The following TRPC7 variants were observed in gnomAD, a reference collection of about 807,000 sequenced individuals.
TRPC7 encodes the protein short transient receptor potential channel 7.
TRPC7 carries 42 observed loss-of-function variants against 90.1 expected under a neutral mutation model. That is an observed-to-expected ratio of 0.47 (90% CI 0.36 to 0.60). TRPC7 has a LOEUF of 0.60. TRPC7 is among the 20% of genes least tolerant of loss of function. The pLI, the probability that TRPC7 is intolerant of heterozygous loss-of-function variation, is 0.00. For synonymous variants in TRPC7, 451 were observed against 436.3 expected (o/e 1.03, Z -0.42); for missense variants, 955 against 1,112.3 (o/e 0.86, Z 2.01).
At chr5:136,236,772 T>G (rs1007247810) in intron 7 of TRPC7, among the ~76,000 whole-genome samples, 1 of 152,018 alleles carries the variant, frequency 6.6e-6, no homozygotes, top group Non-Finnish European at 1.5e-5. Context: ...AAGGAGAGGG[T>G]TCAGGGTGAC....
At chr5:136,358,020 A>G (rs1179594922) in intron 1 of TRPC7, among the ~76,000 whole-genome samples, 1 of 152,176 alleles carries the variant, frequency 6.6e-6, no homozygotes, top group Non-Finnish European at 1.5e-5. Context: ...AAACTGCAGC[A>G]ATATGCATGC....
At chr5:136,233,498 A>C (rs745745029) in intron 7 of TRPC7, among the ~76,000 whole-genome samples, 11 of 152,214 alleles carry the variant, frequency 7.2e-5, no homozygotes, top group Non-Finnish European at 1.3e-4. Flanking sequence ...GAGAGATTTC[A>C]AAACCACCAG....
Position 136,359,630 on chromosome 5 carries a change from A to G in TRPC7, c.3-2245T>C, listed in dbSNP as rs114488100. Among the ~76,000 whole-genome samples the G allele has an allele frequency of 1.8e-3, 279 of 152,292 alleles. 1 individual carries two copies. The highest frequency in any genetic ancestry group is 6.5e-3 in the African/African-American group (272 of 41,570). ...CCTTTACAGGAGAGAAAGATTCACA[A>G]ATAGTGTGCAGGCACTTATTATTAT... On this transcript the variant is annotated intron_variant, in intron 1 of 11. Coordinates refer to ENST00000513104, the MANE Select transcript of TRPC7 (RefSeq NM_020389.3).
rs149483611 is a variant in TRPC7, at chr5:136,338,536, T to C, written c.780+18072A>G. ...GTCCTATCGCTCAGGCGGGACATGT[T>C]TTGAAAGAAAGCCCAAGCCAGATAT... On this transcript the variant is annotated intron_variant, in intron 2 of 11. Coordinates refer to ENST00000513104, the MANE Select transcript of TRPC7 (RefSeq NM_020389.3). 6.8e-4 allele frequency among the ~76,000 whole-genome samples: 103 copies of C among 152,304 alleles called. 2 individuals are homozygous for C. In the East Asian group the frequency reaches 0.015, roughly 23 times the overall value.
At chr5:136,230,584 C>A (rs1290876244) in intron 8 of TRPC7, among the ~76,000 whole-genome samples, 2 of 152,312 alleles carry the variant, frequency 1.3e-5, no homozygotes, top group East Asian at 3.9e-4. Context: ...TGCACAGCAT[C>A]CCATTTTTCA....
At chr5:136,275,364 G>A (rs1432360618) in intron 3 of TRPC7, among the ~76,000 whole-genome samples, 1 of 145,866 alleles carries the variant, frequency 6.9e-6, no homozygotes, top group Non-Finnish European at 1.5e-5. Context: ...CATTGTCTTG[G>A]AGGATTAAAT....
chr5:136,333,798 C>T (rs1227621603), intron 2 of TRPC7, among the ~76,000 whole-genome samples: 2 of 152,348 alleles, frequency 1.3e-5, no homozygotes, highest in Non-Finnish European at 1.5e-5. Flanking sequence ...ATTTTCCTAA[C>T]ATGTTAATGT....
intron 2 of TRPC7, among the ~76,000 whole-genome samples, chr5:136,327,531 T>C (rs1580959849): frequency 6.6e-6 from 1 of 152,118 alleles, no homozygotes; most frequent in Non-Finnish European, 1.5e-5. Flanking sequence ...GAGGAGGGAC[T>C]GTGACTTCCA....
At chr5:136,328,787 T>C (rs1759416736) in intron 2 of TRPC7, among the ~76,000 whole-genome samples, 1 of 152,224 alleles carries the variant, frequency 6.6e-6, no homozygotes. Context: ...AGATAACTTG[T>C]CTATTTGGGG....
Position 136,247,796 on chromosome 5 carries a change from A to G in TRPC7, c.1580-61T>C. The G allele has an allele frequency of 6.4e-7, 1 of 1,550,724 alleles. No homozygotes were observed. ...CAGGATCTATTCTAGAAGAGAAACC[A>G]GTTAGGCATCTTTAGAGGTCTCCAA... On this transcript the variant is annotated intron_variant, in intron 6 of 11. Transcript: ENST00000513104. This position sits in a 1 kb window ranked among gnomAD's most constrained non-coding sequence, Gnocchi z 4.2.
chr5:136,312,679 G>A (rs896141110), intron 3 of TRPC7, among the ~76,000 whole-genome samples: 1 of 152,108 alleles, frequency 6.6e-6, no homozygotes, highest in Admixed American at 6.5e-5. Context: ...ACCATGGTGG[G>A]TGACTTATCT....
At chr5:136,295,177 T>C (rs1282305795) in intron 3 of TRPC7, among the ~76,000 whole-genome samples, 1 of 152,008 alleles carries the variant, frequency 6.6e-6, no homozygotes, top group African/African-American at 2.4e-5. Context: ...TTAGGAGATA[T>C]ACCTAATGCT....
At position 136,240,407 on chromosome 5, in the gene TRPC7, C is replaced by T. The variant is rs116727986; in HGVS notation, c.1844+7064G>A. 8.3e-3 allele frequency among the ~76,000 whole-genome samples: 1,268 copies of T among 152,306 alleles called. 9 individuals carry two copies. The highest frequency in any genetic ancestry group is 0.013 in the Non-Finnish European group (883 of 68,020). ...AGAATTGTCTTATTAATCTCTATGG[C>T]CTCAGGGACAAACACCACTTGGCAT... is the stretch of plus-strand genomic sequence containing the variant. On this transcript the variant is annotated intron_variant, in intron 7 of 11. Coordinates refer to ENST00000513104, the MANE Select transcript of TRPC7 (RefSeq NM_020389.3).
intron 3 of TRPC7, among the ~76,000 whole-genome samples, chr5:136,275,556 C>T (rs1025034277): frequency 3.9e-5 from 6 of 152,130 alleles, no homozygotes; most frequent in Admixed American, 6.5e-5. Flanking sequence ...GGATCCTCCA[C>T]GGAGTAGCTT....
chr5:136,299,415 G>A (rs1758302476), intron 3 of TRPC7, among the ~76,000 whole-genome samples: 1 of 150,378 alleles, frequency 6.6e-6, no homozygotes, highest in Non-Finnish European at 1.5e-5. Context: ...GAGGAAAGAG[G>A]TAGGTAGACC....
At chr5:136,244,469 G>C (rs1280677924) in intron 7 of TRPC7, among the ~76,000 whole-genome samples, 3 of 152,218 alleles carry the variant, frequency 2.0e-5, no homozygotes, top group Non-Finnish European at 4.4e-5. Flanking sequence ...GGATAGAAGT[G>C]CACACTGTCA....
chr5:136,310,636 C>T (rs1758795738), intron 3 of TRPC7, among the ~76,000 whole-genome samples: 1 of 152,132 alleles, frequency 6.6e-6, no homozygotes, highest in Non-Finnish European at 1.5e-5. Flanking sequence ...GGCCCCCAAA[C>T]CAAGCTGCAT....
rs561405535 is a variant in TRPC7 at position 136,279,037 on chromosome 5, A to C, written c.964-4200T>G. Among the ~76,000 whole-genome samples, 123 of 152,222 alleles carry C rather than the reference A, an allele frequency of 8.1e-4. 4 individuals are homozygous for C. In the South Asian group the frequency reaches 0.025, roughly 31 times the overall value. On this transcript the variant is annotated intron_variant, in intron 3 of 11. Transcript: ENST00000513104. Reference sequence around the variant, plus strand: ...TGGAAGTCTACCGGGCAGCAAAAGGAGATGGGCCTCTCTGCAGGCTCTTCA... The same window carrying C: ...TGGAAGTCTACCGGGCAGCAAAAGGCGATGGGCCTCTCTGCAGGCTCTTCA...
In TRPC7 at chr5:136,315,637, A is replaced by G; in HGVS notation, c.923T>C (p.Leu308Pro). ...QVWSDHHRPS[L>P]SRIKLAIKYE... is the part of the protein sequence containing the mutation. Reference sequence around the variant, plus strand: ...TTTAATGGCGAGTTTGATCCGGCTCAGACTTGGACGGTGGTGGTCGGACCA... The same window carrying G: ...TTTAATGGCGAGTTTGATCCGGCTCGGACTTGGACGGTGGTGGTCGGACCA... The change falls in exon 3 of 12, where the codon CTG (leucine) becomes CCG (proline). Residue 308 changes from leucine (L) to proline (P), a missense_variant. By Grantham distance (98) the Leu-to-Pro change is moderately conservative. This residue lies in a region of TRPC7 where 484 missense variants were observed against 509.6 expected (regional missense o/e 0.95). Transcript: ENST00000513104. The G allele has an allele frequency of 6.2e-7, 1 of 1,613,912 alleles. No homozygotes were observed. Among genetic ancestry groups the G allele is most frequent in the Non-Finnish European group, 8.5e-7 (1 of 1,179,842 alleles).
Sources: allele counts gnomAD v4.1 joint callset (sites outside exome capture counted in the v4.1 genomes callset), GRCh38; gene constraint gnomAD v4.1.1; regional missense constraint gnomAD v4.1.1; non-coding constraint Gnocchi (gnomAD v3.1); transcripts MANE v1.5; gene names NCBI Gene and HGNC (gene_info 2026-07-23, HGNC 2026-07-21).